Variants in ADAMTSL1 observed in about 807,000 individuals in gnomAD.
ADAMTSL1 encodes ADAMTS-like protein 1.
A neutral mutation model predicts 201.8 loss-of-function variants in ADAMTSL1; 126 were observed. The observed-to-expected ratio is 0.62, with a 90% CI of 0.54 to 0.72. The LOEUF (loss-of-function observed/expected upper bound fraction) is 0.72. ADAMTSL1 is among the 30% of genes least tolerant of loss of function. ADAMTSL1 has a pLI of 0.00. For synonymous variants in ADAMTSL1, 1,121 were observed against 903.4 expected (o/e 1.24, Z -4.32); for missense variants, 2,679 against 2,277.8 (o/e 1.18, Z -3.59).
At chr9:18,252,946 C>G (rs78945091) in intron 2 of ADAMTSL1, among the ~76,000 whole-genome samples, 1 of 152,176 alleles carries the variant, frequency 6.6e-6, no homozygotes, top group Non-Finnish European at 1.5e-5. Context: ...TTTATTACCT[C>G]ATTATCTTCC....
Position 18,658,920 on chromosome 9 carries a change from T to G in ADAMTSL1, c.946+1170T>G, listed in dbSNP as rs149230941. Among the ~76,000 whole-genome samples the G allele has an allele frequency of 5.2e-3, 790 of 152,378 alleles. 8 individuals are homozygous for G. Among genetic ancestry groups the G allele is most frequent in the African/African-American group, 0.018 (760 of 41,590 alleles). On this transcript the variant is annotated intron_variant, in intron 8 of 28. Transcript: ENST00000380548. ...AGTGAGATTGTTAGATCAAGGAATT[T>G]CAGAATTTTTGTGGCTATTGGCACA... is the stretch of plus-strand genomic sequence containing the variant.
Position 18,859,213 on chromosome 9 carries a change from A to G in ADAMTSL1, c.4250-28618A>G, listed in dbSNP as rs149128063. On this transcript the variant is annotated intron_variant, in intron 23 of 28. Transcript: ENST00000380548. ...TACTGGGCTAAAATCAAGATTGACC[A>G]AGATGTTTCCTTCTGGAGGCTCTAC... Among the ~76,000 whole-genome samples the G allele has an allele frequency of 3.0e-3, 461 of 152,316 alleles. 3 individuals carry two copies. The highest frequency in any genetic ancestry group is 0.01 in the African/African-American group (435 of 41,582).
intron 23 of ADAMTSL1, among the ~76,000 whole-genome samples, chr9:18,854,954 C>T (rs566997506): frequency 6.6e-6 from 1 of 152,216 alleles, no homozygotes; most frequent in South Asian, 2.1e-4. Context: ...CCCCATTTTC[C>T]AGGGTAAGTC....
rs1446307679 is a variant in ADAMTSL1, at chr9:18,777,131, G to C, written c.2902G>C (p.Val968Leu). ...GCTCATCGGAGGCAACCGCAAGCTC[G>C]TGGCCCGGCCCTTGAGCCCGAGAAG... The part of the protein sequence containing the change: ...IKLIGGNRKL[V>L]ARPLSPRSEE... Residue 968 changes from valine (V) to leucine (L), a missense_variant, in exon 19 of 29, where the codon GTG (valine) becomes CTG (leucine). Val to Leu is a conservative substitution (Grantham distance 32). Coordinates refer to ENST00000380548, the MANE Select transcript of ADAMTSL1 (RefSeq NM_001040272.6). 1 of 1,612,886 alleles carries C rather than the reference G, an allele frequency of 6.2e-7. No homozygotes were observed. The highest frequency in any genetic ancestry group is 1.3e-5 in the African/African-American group (1 of 74,930).
intron 2 of ADAMTSL1, among the ~76,000 whole-genome samples, chr9:18,416,047 C>G (rs926615871): frequency 6.6e-6 from 1 of 151,946 alleles, no homozygotes; most frequent in Non-Finnish European, 1.5e-5. Context: ...AAGAAATCTT[C>G]AAGGAAATCC....
chr9:18,780,100 T>C (rs1216183555), intron 19 of ADAMTSL1, among the ~76,000 whole-genome samples: 1 of 152,130 alleles, frequency 6.6e-6, no homozygotes, highest in Non-Finnish European at 1.5e-5. Flanking sequence ...CCTGACAATT[T>C]CTTTGAGTGT....
At chr9:18,144,476 G>C (rs1357418999) in intron 1 of ADAMTSL1, among the ~76,000 whole-genome samples, 1 of 152,036 alleles carries the variant, frequency 6.6e-6, no homozygotes, top group Non-Finnish European at 1.5e-5. Context: ...AAAGTGCTGG[G>C]ATTACAGGCA....
At chr9:18,823,613 C>T (rs895124434) in intron 21 of ADAMTSL1, among the ~76,000 whole-genome samples, 4 of 152,124 alleles carry the variant, frequency 2.6e-5, no homozygotes, top group Admixed American at 2.6e-4. Context: ...TGTTTGCTGC[C>T]CACAGCCCTC....
At chr9:18,320,068 C>G (rs1370067519) in intron 2 of ADAMTSL1, among the ~76,000 whole-genome samples, 2 of 152,136 alleles carry the variant, frequency 1.3e-5, no homozygotes, top group Admixed American at 1.3e-4. Flanking sequence ...TGACAGCCAG[C>G]AAGGAGACAG....
chr9:18,382,887 A>G (rs1171602036), intron 2 of ADAMTSL1, among the ~76,000 whole-genome samples: 1 of 152,212 alleles, frequency 6.6e-6, no homozygotes, highest in East Asian at 1.9e-4. Context: ...AATGATTTTC[A>G]GATGCCAAAT....
intron 1 of ADAMTSL1, among the ~76,000 whole-genome samples, chr9:18,046,018 C>A (rs1017098162): frequency 6.6e-6 from 1 of 152,110 alleles, no homozygotes; most frequent in Non-Finnish European, 1.5e-5. Context: ...GGAATCTGTT[C>A]CTAGCCATTG....
chr9:18,821,555 G>T (rs1223218165), intron 21 of ADAMTSL1, among the ~76,000 whole-genome samples: 3 of 152,186 alleles, frequency 2.0e-5, no homozygotes, highest in Admixed American at 2.0e-4. Context: ...GGCTCACTGG[G>T]TACTCAGGAA....
At chr9:18,703,321 C>A (rs1832033665) in intron 13 of ADAMTSL1, among the ~76,000 whole-genome samples, 1 of 152,040 alleles carries the variant, frequency 6.6e-6, no homozygotes, top group East Asian at 1.9e-4. Flanking sequence ...AAATACAGAG[C>A]TGGGAGATCT....
chr9:18,777,305 T>A lies in ADAMTSL1; in HGVS notation c.3076T>A (p.Ser1026Thr). The A allele has an allele frequency of 6.2e-7, 1 of 1,603,932 alleles. No homozygotes were observed. Among genetic ancestry groups the A allele is most frequent in the African/African-American group, 1.3e-5 (1 of 74,886 alleles). The part of the protein sequence containing the change: ...NPGSRYDDLV[S>T]RLLEQGGWPG... The stretch of plus-strand genomic sequence containing the variant: ...GGGGAGCCGCTACGACGACCTCGTC[T>A]CCCGGCTGCTGGAGCAGGGCGGCTG... Residue 1026 changes from serine to threonine, a missense_variant, in exon 19 of 29, where the codon TCC (serine) becomes ACC (threonine). By Grantham distance (58) the Ser-to-Thr change is moderately conservative. Coordinates refer to ENST00000380548, the MANE Select transcript of ADAMTSL1 (RefSeq NM_001040272.6).
intron 3 of ADAMTSL1, among the ~76,000 whole-genome samples, chr9:18,535,530 G>T (rs1819712290): frequency 6.6e-6 from 1 of 152,090 alleles, no homozygotes; most frequent in South Asian, 2.1e-4. Context: ...CAGTTCTAAA[G>T]TCACTTCCAC....
At chr9:18,862,844 G>C (rs1827294265) in intron 23 of ADAMTSL1, among the ~76,000 whole-genome samples, 1 of 152,132 alleles carries the variant, frequency 6.6e-6, no homozygotes. Context: ...GAGTCAACTA[G>C]GGACTTATAA....
intron 2 of ADAMTSL1, among the ~76,000 whole-genome samples, chr9:18,221,780 A>T (rs983992454): frequency 3.3e-5 from 5 of 152,080 alleles, no homozygotes; most frequent in Non-Finnish European, 5.9e-5. Flanking sequence ...GCAGTGTTCT[A>T]TATAAGTCCC....
chr9:18,635,753 C>G (rs545680224), intron 5 of ADAMTSL1, among the ~76,000 whole-genome samples, 190 bp from the exon 6 acceptor site: 1 of 152,176 alleles, frequency 6.6e-6, no homozygotes, highest in South Asian at 2.1e-4. Flanking sequence ...TAACTAGTGA[C>G]TAGCATCTTT....
chr9:18,065,953 G>C (rs541955345), intron 1 of ADAMTSL1, among the ~76,000 whole-genome samples: 36 of 114,544 alleles, frequency 3.1e-4, no homozygotes, highest in African/African-American at 1.1e-3. Context: ...CTGCACTCCA[G>C]CTTCAGCTTG....
Sources: gnomAD v4.1 joint callset for allele counts (sites outside exome capture counted in the v4.1 genomes callset) on GRCh38, gnomAD v4.1.1 for gene constraint, MANE v1.5 for transcripts, NCBI Gene and HGNC (gene_info 2026-07-23, HGNC 2026-07-21) for gene names.